KHDRBS2: variants seen among roughly 807,000 people sequenced by gnomAD.
KHDRBS2 encodes KH domain-containing, RNA-binding, signal transduction-associated protein 2.
Under a neutral mutation model 44.3 loss-of-function variants are expected in KHDRBS2, and 26 were observed. The observed-to-expected ratio is 0.59, with a 90% CI of 0.43 to 0.81. The LOEUF is 0.81. Ranked by LOEUF, KHDRBS2 falls within the 40% of genes least tolerant of loss-of-function variation. KHDRBS2 has a pLI of 0.00. For missense variants in KHDRBS2, 476 were observed against 433.1 expected (o/e 1.10, Z -0.88); for synonymous variants, 194 against 151.1 (o/e 1.28, Z -2.08).
chr6:61,829,843 C>T (rs562167650), intron 6 of KHDRBS2, among the ~76,000 whole-genome samples: 2 of 152,168 alleles, frequency 1.3e-5, no homozygotes, highest in East Asian at 1.9e-4. Context: ...GAGAACACAT[C>T]GGAGTGAGAG....
chr6:61,672,278 C>T, the KHDRBS2 span, among the ~76,000 whole-genome samples: 1 of 151,822 alleles, frequency 6.6e-6, no homozygotes, highest in Non-Finnish European at 1.5e-5. Context: ...CAAGTCTTTG[C>T]TAATGTGAAT....
In KHDRBS2 at chr6:62,235,444, C is replaced by A. The variant is rs1833557878; in HGVS notation, c.91+50414G>T. Among the ~76,000 whole-genome samples the A allele has an allele frequency of 3.3e-5, 5 of 152,048 alleles. 1 individual carries two copies. The South Asian group carries it at 1.0e-3, about 32-fold the overall frequency. ...CTGAAAGTCACATTATCTTCTCATA[C>A]CTTCCTGAGTTTAATTATTACAGAG... is the stretch of plus-strand genomic sequence containing the variant. On this transcript the variant is annotated intron_variant, in intron 1 of 8. Transcript: ENST00000281156.
At chr6:61,827,293 C>CA (rs1791043022) in intron 6 of KHDRBS2, among the ~76,000 whole-genome samples, 2 of 152,158 alleles carry the variant, frequency 1.3e-5, no homozygotes, top group African/African-American at 2.4e-5. Context: ...AGGATGTTAA[C>CA]GCAGGCTGCC....
At chr6:61,951,853 A>G (rs1764819216) in intron 4 of KHDRBS2, among the ~76,000 whole-genome samples, 1 of 151,934 alleles carries the variant, frequency 6.6e-6, no homozygotes, top group South Asian at 2.1e-4. Context: ...TTTAGTTGGC[A>G]TGCTGTCAGA....
the KHDRBS2 span, among the ~76,000 whole-genome samples, chr6:61,572,102 C>T: frequency 6.6e-6 from 1 of 151,824 alleles, no homozygotes; most frequent in African/African-American, 2.4e-5. Flanking sequence ...GAGAGAAGAT[C>T]CAAATAAGCT....
At chr6:62,280,278 G>A (rs1038885628) in intron 1 of KHDRBS2, among the ~76,000 whole-genome samples, 1 of 152,186 alleles carries the variant, frequency 6.6e-6, no homozygotes, top group African/African-American at 2.4e-5. Flanking sequence ...ATTAAGAAGT[G>A]TGACATGGTG....
chr6:61,677,721 C>T (rs1246999480), downstream of KHDRBS2, among the ~76,000 whole-genome samples: 1 of 151,914 alleles, frequency 6.6e-6, no homozygotes, highest in Non-Finnish European at 1.5e-5. Context: ...ATAGTATTTT[C>T]AGGCTTTGCC....
At chr6:62,132,772 G>T (rs1810631575) in intron 2 of KHDRBS2, among the ~76,000 whole-genome samples, 1 of 152,018 alleles carries the variant, frequency 6.6e-6, no homozygotes, top group Non-Finnish European at 1.5e-5. Flanking sequence ...AAAACTATCA[G>T]GTTTCTTATT....
At chr6:62,139,796 T>C (rs985786504) in intron 2 of KHDRBS2, among the ~76,000 whole-genome samples, 4 of 152,146 alleles carry the variant, frequency 2.6e-5, no homozygotes, top group African/African-American at 9.7e-5. Context: ...CATTTATTAA[T>C]TGACAATCAC....
At chr6:62,214,333 T>C (rs920417770) in intron 1 of KHDRBS2, among the ~76,000 whole-genome samples, 1 of 152,160 alleles carries the variant, frequency 6.6e-6, no homozygotes, top group African/African-American at 2.4e-5. Context: ...TGCAGGTAAG[T>C]ATGAAATTAA....
chr6:61,707,143 G>C (rs1769721938), intron 7 of KHDRBS2, among the ~76,000 whole-genome samples: 1 of 151,582 alleles, frequency 6.6e-6, no homozygotes, highest in Non-Finnish European at 1.5e-5. Flanking sequence ...AGCATTCTAG[G>C]AAAAAAGAAT....
intron 7 of KHDRBS2, among the ~76,000 whole-genome samples, chr6:61,725,029 C>T (rs1243403475): frequency 6.6e-6 from 1 of 152,132 alleles, no homozygotes; most frequent in Non-Finnish European, 1.5e-5. Context: ...CATGACATGG[C>T]ACTTATTCTA....
chr6:62,188,842 G>A (rs572508612), intron 1 of KHDRBS2, among the ~76,000 whole-genome samples: 4 of 152,220 alleles, frequency 2.6e-5, no homozygotes, highest in South Asian at 2.1e-4. Flanking sequence ...GGCTGGGTGC[G>A]GTGGCTCACG....
rs149945551 is a variant in KHDRBS2 at position 62,145,622 on chromosome 6, A to G, written c.219+31563T>C. On this transcript the variant is annotated intron_variant, in intron 2 of 8. Coordinates refer to ENST00000281156, the MANE Select transcript of KHDRBS2 (RefSeq NM_152688.4). ...TTAGGAGTTGGAGTTCACCTTAGCT[A>G]TTAATTCTAGTTTAATCATATTTTA... Among the ~76,000 whole-genome samples the G allele has an allele frequency of 1.1e-4, 17 of 151,872 alleles. No individual in the cohort carries two copies. The East Asian group carries it at 1.6e-3, about 14-fold the overall frequency.
At chr6:61,910,343 A>T (rs1050014643) in intron 4 of KHDRBS2, among the ~76,000 whole-genome samples, 1 of 152,230 alleles carries the variant, frequency 6.6e-6, no homozygotes, top group African/African-American at 2.4e-5. Context: ...ATTAAGATTT[A>T]TTAAGCATCT....
intron 6 of KHDRBS2, among the ~76,000 whole-genome samples, chr6:61,827,893 T>C (rs554127211): frequency 5.9e-5 from 9 of 152,098 alleles, no homozygotes; most frequent in Non-Finnish European, 1.0e-4. Flanking sequence ...TCAAATACCA[T>C]CACATTGGAG....
At chr6:61,802,698 C>G (rs1034274568) in intron 6 of KHDRBS2, among the ~76,000 whole-genome samples, 8 of 152,108 alleles carry the variant, frequency 5.3e-5, no homozygotes, top group African/African-American at 1.9e-4. Context: ...TAGGGAGTTA[C>G]AAATTTCTTT....
intron 3 of KHDRBS2, among the ~76,000 whole-genome samples, chr6:62,039,410 G>GGA (rs561367357): frequency 6.6e-6 from 1 of 151,596 alleles, no homozygotes; most frequent in South Asian, 2.1e-4. Context: ...ATGTATGTAT[G>GGA]GAGAGAGAGA....
the KHDRBS2 span, among the ~76,000 whole-genome samples, chr6:61,639,907 T>C: frequency 1.3e-5 from 2 of 152,086 alleles, no homozygotes; most frequent in African/African-American, 4.8e-5. Context: ...GGGACTGTTA[T>C]AGATATAATA....
Sources: gnomAD v4.1 joint callset for allele counts (sites outside exome capture counted in the v4.1 genomes callset) on GRCh38, gnomAD v4.1.1 for gene constraint, MANE v1.5 for transcripts, NCBI Gene and HGNC (gene_info 2026-07-23, HGNC 2026-07-21) for gene names.